MYO5B: variants seen among roughly 807,000 people sequenced by gnomAD.
MYO5B encodes myosin VB.
A neutral mutation model predicts 229.3 loss-of-function variants in MYO5B; 143 were observed. That is an observed-to-expected ratio of 0.62 (90% confidence interval 0.54 to 0.72). The LOEUF (loss-of-function observed/expected upper bound fraction) is 0.72. MYO5B is among the 30% of genes least tolerant of loss of function. The pLI is 0.00. For synonymous variants in MYO5B, 918 were observed against 885.2 expected (o/e 1.04, Z -0.66); for missense variants, 2,321 against 2,331.0 (o/e 1.00, Z 0.09).
intron 1 of MYO5B, among the ~76,000 whole-genome samples, chr18:50,084,075 G>A (rs186292718): frequency 6.6e-6 from 1 of 152,242 alleles, no homozygotes; most frequent in Admixed American, 6.5e-5. Flanking sequence ...GAATTCCATG[G>A]CGTAATAACG....
At chr18:49,962,177 A>C in intron 12 of MYO5B, 89 bp downstream of exon 12, 1 of 1,560,842 alleles carries the variant, frequency 6.4e-7, no homozygotes, top group Non-Finnish European at 8.8e-7. Flanking sequence ...AGCTGATCAC[A>C]GATGAAATTC....
chr18:49,976,445 T>C lies in MYO5B; in HGVS notation c.1057-1830A>G, dbSNP rs567643711. Among the ~76,000 whole-genome samples the C allele has an allele frequency of 7.2e-5, 11 of 152,258 alleles. No individual in the cohort carries two copies. In the South Asian group the frequency reaches 2.1e-3, roughly 29 times the overall value. ...ATGGAACAGTAGTTGCAAAGAACAT[T>C]AGTTGGCTTTACTTAACAGAAGGAG... On this transcript the variant is annotated intron_variant, in intron 9 of 39. Transcript: ENST00000285039.
At position 49,898,077 on chromosome 18, in the gene MYO5B, A is replaced by G. The variant is rs552679293; in HGVS notation, c.2812-2903T>C. 9.2e-5 allele frequency among the ~76,000 whole-genome samples: 14 copies of G among 152,350 alleles called. No homozygotes were observed. The South Asian group carries it at 2.7e-3, about 29-fold the overall frequency. Reference sequence around the variant, plus strand: ...AACATGCTGTACAGGTTTGTAGCCTAGGAACAATAGGCTATGCCACATAGC... The same window carrying G: ...AACATGCTGTACAGGTTTGTAGCCTGGGAACAATAGGCTATGCCACATAGC... On this transcript the variant is annotated intron_variant, in intron 21 of 39. Coordinates refer to ENST00000285039, the MANE Select transcript of MYO5B (RefSeq NM_001080467.3).
At chr18:50,044,539 G>T (rs2030165582) in intron 2 of MYO5B, among the ~76,000 whole-genome samples, 2 of 152,134 alleles carry the variant, frequency 1.3e-5, no homozygotes, top group Non-Finnish European at 2.9e-5. Flanking sequence ...ATCAGGAACA[G>T]ATGGAGGTCC....
chr18:50,088,798 T>C (rs563356260), intron 1 of MYO5B, among the ~76,000 whole-genome samples: 20 of 152,354 alleles, frequency 1.3e-4, no homozygotes, highest in African/African-American at 4.3e-4. Context: ...TTGTTTTGCA[T>C]ATCTATCTTA....
chr18:50,156,628 A>G (rs2032683364), intron 1 of MYO5B, among the ~76,000 whole-genome samples: 1 of 152,236 alleles, frequency 6.6e-6, no homozygotes, highest in African/African-American at 2.4e-5. Flanking sequence ...GAATGTCTTT[A>G]TTAGCAGTGT....
intron 1 of MYO5B, among the ~76,000 whole-genome samples, chr18:50,156,369 A>G (rs916851540): frequency 8.5e-5 from 13 of 152,190 alleles, no homozygotes; most frequent in Non-Finnish European, 1.9e-4. Context: ...GACCAGGTGG[A>G]GATAACTGAA....
At chr18:49,856,029 A>G (rs754007221) in intron 30 of MYO5B, among the ~76,000 whole-genome samples, 1 of 152,224 alleles carries the variant, frequency 6.6e-6, no homozygotes, top group Non-Finnish European at 1.5e-5. Flanking sequence ...ACAGCTCTTA[A>G]AAGCCACCTG....
chr18:50,142,137 C>G (rs2032427137), intron 1 of MYO5B, among the ~76,000 whole-genome samples: 2 of 152,142 alleles, frequency 1.3e-5, no homozygotes, highest in Non-Finnish European at 2.9e-5. Context: ...GGTCACAAAC[C>G]CCATCCAACA....
At position 49,912,148 on chromosome 18, in the gene MYO5B, G is replaced by T; in HGVS notation, c.2116C>A (p.Arg706=). The T allele has an allele frequency of 6.2e-7, 1 of 1,613,966 alleles. No individual in the cohort carries two copies. Residue 706 remains arginine (R), a synonymous_variant, in exon 18 of 40, where the codon CGG becomes AGG. Coordinates refer to ENST00000285039, the MANE Select transcript of MYO5B (RefSeq NM_001080467.3). ...SRWAYHDFFN[R]YRVLVKKREL... ...CTCTTCTTGACCAGCACCCGATACC[G>T]GTTGAAAAAGTCATGGTAGGCCCAC...
intron 23 of MYO5B, chr18:49,879,517 A>T (rs1443493209): frequency 1.6e-5 from 4 of 245,924 alleles, no homozygotes; most frequent in Non-Finnish European, 1.6e-5. Flanking sequence ...GAAGGCAAAT[A>T]GAGAAGGATG....
At chr18:50,155,014 C>G (rs1038092730) in intron 1 of MYO5B, among the ~76,000 whole-genome samples, 4 of 152,230 alleles carry the variant, frequency 2.6e-5, no homozygotes, top group African/African-American at 9.7e-5. Context: ...AGCAGACAAA[C>G]CATCTCAGTT....
At chr18:50,007,495 C>T (rs2026114951) in intron 4 of MYO5B, among the ~76,000 whole-genome samples, 1 of 152,214 alleles carries the variant, frequency 6.6e-6, no homozygotes, top group South Asian at 2.1e-4. Flanking sequence ...ATTCTTCTCC[C>T]TTGCTTTAAG....
intron 18 of MYO5B, among the ~76,000 whole-genome samples, chr18:49,909,840 A>G (rs1431992091): frequency 1.3e-5 from 2 of 152,216 alleles, no homozygotes; most frequent in African/African-American, 2.4e-5. Flanking sequence ...CAGAGGAAAC[A>G]GCATGTATTC....
intron 39 of MYO5B, among the ~76,000 whole-genome samples, chr18:49,828,282 G>A (rs1013668035): frequency 3.9e-5 from 6 of 152,194 alleles, no homozygotes; most frequent in Non-Finnish European, 8.8e-5. Context: ...TGTCTGCTAA[G>A]AATTCTAAAT....
intron 10 of MYO5B, among the ~76,000 whole-genome samples, chr18:49,970,555 G>C (rs1213728750): frequency 1.3e-5 from 2 of 152,206 alleles, no homozygotes; most frequent in Admixed American, 1.3e-4. Context: ...CGATGCTGGC[G>C]TGTGTACTGC....
At chr18:49,920,176 A>G (rs913502409) in intron 17 of MYO5B, among the ~76,000 whole-genome samples, 4 of 152,198 alleles carry the variant, frequency 2.6e-5, no homozygotes, top group Non-Finnish European at 5.9e-5. Flanking sequence ...ATTAATGGAC[A>G]CAGGGTTTCC....
rs146426917 is a variant in MYO5B at position 49,892,902 on chromosome 18, G to A, written c.3045+2039C>T. On this transcript the variant is annotated intron_variant, in intron 22 of 39. Coordinates refer to ENST00000285039, the MANE Select transcript of MYO5B (RefSeq NM_001080467.3). Reference sequence around the variant, plus strand: ...GCTTTTGCACTACTCTGCTCCTAGCGTTCCCCTCCTTGCAGCGTCCTTAAT... The same window carrying A: ...GCTTTTGCACTACTCTGCTCCTAGCATTCCCCTCCTTGCAGCGTCCTTAAT... Among the ~76,000 whole-genome samples, 640 of 152,260 alleles carry A rather than the reference G, an allele frequency of 4.2e-3. 1 individual carries two copies. The highest frequency in any genetic ancestry group is 7.6e-3 in the Non-Finnish European group (519 of 68,024).
chr18:50,042,897 G>T (rs2030063512), intron 2 of MYO5B, among the ~76,000 whole-genome samples: 1 of 152,082 alleles, frequency 6.6e-6, no homozygotes, highest in Non-Finnish European at 1.5e-5. Context: ...AGAAAGCCAG[G>T]ACCTGAGCCC....
Sources: allele counts gnomAD v4.1 joint callset (sites outside exome capture counted in the v4.1 genomes callset), GRCh38; gene constraint gnomAD v4.1.1; transcripts MANE v1.5; gene names NCBI Gene and HGNC (gene_info 2026-07-23, HGNC 2026-07-21).